The following CHN2 variants were observed in gnomAD, a reference collection of about 807,000 sequenced individuals.
The protein encoded by CHN2 is beta-chimaerin.
Under a neutral mutation model 56.3 loss-of-function variants are expected in CHN2, and 35 were observed. That is an observed-to-expected ratio of 0.62 (90% CI 0.47 to 0.82). CHN2 has a LOEUF of 0.82. Among genes scored for constraint, CHN2 ranks in the 40% least tolerant of loss-of-function variants. The probability of loss-of-function intolerance (pLI) is 0.00; values close to 1 mark genes in which losing one functional copy is unlikely to be tolerated. For synonymous variants in CHN2, 210 were observed against 212.8 expected, an observed-to-expected ratio of 0.99 and a Z score of 0.12; for missense variants, 491 against 580.5, an observed-to-expected ratio of 0.85 and a Z score of 1.58.
At chr7:29,301,342 TACACACACACACACACACACACACACAC>T (rs10570363) in intron 1 of CHN2, among the ~76,000 whole-genome samples, 1 of 141,598 alleles carries the variant, frequency 7.1e-6, no homozygotes, top group Non-Finnish European at 1.5e-5. Flanking sequence ...CTCAAACAGG[TACACACACACACACACACACACACACAC>T]ACACACACAC....
In CHN2 at chr7:29,289,485, G is replaced by A. The variant is rs114757766; in HGVS notation, c.50-65140G>A. ...ACTACGGGTTAGGCATGAGTAAGCC[G>A]ACGGGAGAGGGAGGCACACATGCTT... On this transcript the variant is annotated intron_variant, in intron 1 of 12. Transcript: ENST00000222792. Among the ~76,000 whole-genome samples the A allele has an allele frequency of 5.6e-3, 848 of 152,268 alleles. 9 individuals carry two copies. Among genetic ancestry groups the A allele is most frequent in the African/African-American group, 0.02 (816 of 41,554 alleles).
At chr7:29,263,289 C>T (rs980831681) in intron 1 of CHN2, among the ~76,000 whole-genome samples, 6 of 152,206 alleles carry the variant, frequency 3.9e-5, no homozygotes, top group African/African-American at 7.2e-5. Flanking sequence ...CTCGGCCTCC[C>T]GAGGTGCCGG....
chr7:29,268,863 G>A (rs548701688), intron 1 of CHN2, among the ~76,000 whole-genome samples: 3 of 152,296 alleles, frequency 2.0e-5, no homozygotes, highest in Non-Finnish European at 2.9e-5. Context: ...AATGGGCCAC[G>A]GTCAGATAAT....
intron 1 of CHN2, among the ~76,000 whole-genome samples, chr7:29,322,834 C>T (rs904762671): frequency 4.6e-5 from 7 of 152,168 alleles, no homozygotes; most frequent in African/African-American, 1.7e-4. Context: ...TGGGGAACGA[C>T]CTACCTCCTG....
chr7:29,196,448 C>T (rs187483667), intron 1 of CHN2, among the ~76,000 whole-genome samples: 105 of 152,362 alleles, frequency 6.9e-4, no homozygotes, highest in Non-Finnish European at 1.2e-3. Context: ...ATTCTGAGAA[C>T]TCAGCAAATG....
At chr7:29,478,663 C>A (rs1786817135) in intron 6 of CHN2, among the ~76,000 whole-genome samples, 1 of 152,198 alleles carries the variant, frequency 6.6e-6, no homozygotes, top group African/African-American at 2.4e-5. Flanking sequence ...ATTGCTTTAC[C>A]TCTCAGTGCC....
At chr7:29,323,610 A>G (rs1795541089) in intron 1 of CHN2, among the ~76,000 whole-genome samples, 1 of 152,128 alleles carries the variant, frequency 6.6e-6, no homozygotes, top group Non-Finnish European at 1.5e-5. Context: ...TCATCTCATC[A>G]AACTTCCTGA....
intron 1 of CHN2, among the ~76,000 whole-genome samples, chr7:29,288,202 C>T (rs1373278948): frequency 6.6e-6 from 1 of 152,116 alleles, no homozygotes; most frequent in African/African-American, 2.4e-5. Context: ...TGGGAATCTC[C>T]ATTGGGTTCA....
At chr7:29,228,629 T>C (rs1786419063) in intron 1 of CHN2, among the ~76,000 whole-genome samples, 1 of 152,222 alleles carries the variant, frequency 6.6e-6, no homozygotes, top group African/African-American at 2.4e-5. Flanking sequence ...TTAAAATGAC[T>C]AGACCAGCAA....
chr7:29,178,020 A>G (rs1407865259), intron 2 of CHN2, among the ~76,000 whole-genome samples: 1 of 152,118 alleles, frequency 6.6e-6, no homozygotes, highest in Non-Finnish European at 1.5e-5. Context: ...CTAAAAACCT[A>G]GGAGTCACCT....
chr7:29,245,583 A>T (rs1158367194), intron 1 of CHN2, among the ~76,000 whole-genome samples: 1 of 152,224 alleles, frequency 6.6e-6, no homozygotes, highest in Non-Finnish European at 1.5e-5. Context: ...CATTCCTAGA[A>T]CAACTCTGCA....
chr7:29,341,107 G>C (rs1012240138), intron 1 of CHN2, among the ~76,000 whole-genome samples: 5 of 152,192 alleles, frequency 3.3e-5, no homozygotes, highest in African/African-American at 1.2e-4. Flanking sequence ...ACTGAGAGTG[G>C]AGCTGGGGCA....
At chr7:29,154,383 C>T (rs1794048164) in intron 2 of CHN2, among the ~76,000 whole-genome samples, 4 of 152,228 alleles carry the variant, frequency 2.6e-5, no homozygotes, top group African/African-American at 9.6e-5. Context: ...CCCATCCCTT[C>T]TCTTTGCCTC....
chr7:29,329,587 T>C (rs1356163298), intron 1 of CHN2, among the ~76,000 whole-genome samples: 5 of 152,210 alleles, frequency 3.3e-5, no homozygotes, highest in African/African-American at 1.2e-4. Context: ...AGAATATAAT[T>C]TCACCGCCCT....
chr7:29,481,264 CA>C (rs1325950762), intron 7 of CHN2, among the ~76,000 whole-genome samples: 1 of 152,168 alleles, frequency 6.6e-6, no homozygotes, highest in East Asian at 1.9e-4. Context: ...GCAGGAGAAG[CA>C]AAATGTGAAT....
chr7:29,180,192 A>C (rs963193251), intron 2 of CHN2, among the ~76,000 whole-genome samples: 1 of 152,234 alleles, frequency 6.6e-6, no homozygotes, highest in Non-Finnish European at 1.5e-5. Flanking sequence ...AATATTGTGA[A>C]TCAAATTTAG....
intron 6 of CHN2, among the ~76,000 whole-genome samples, chr7:29,440,430 G>T (rs150463025): frequency 6.6e-6 from 1 of 152,118 alleles, no homozygotes; most frequent in African/African-American, 2.4e-5. Context: ...GTAGCTCACA[G>T]CTGTAATCTT....
chr7:29,475,777 A>G (rs1314621456), intron 6 of CHN2, among the ~76,000 whole-genome samples: 1 of 152,262 alleles, frequency 6.6e-6, no homozygotes, highest in Non-Finnish European at 1.5e-5. Flanking sequence ...GCAGCCAGAT[A>G]TCAAAACCCA....
intron 3 of CHN2, among the ~76,000 whole-genome samples, chr7:29,381,869 A>G (rs1800542334): frequency 7.2e-6 from 1 of 139,560 alleles, no homozygotes; most frequent in Non-Finnish European, 1.5e-5. Context: ...AATTGTGGTT[A>G]GAAGGATATG....
Sources: gnomAD v4.1 joint callset for allele counts (sites outside exome capture counted in the v4.1 genomes callset) on GRCh38, gnomAD v4.1.1 for gene constraint, MANE v1.5 for transcripts, NCBI Gene and HGNC (gene_info 2026-07-23, HGNC 2026-07-21) for gene names.